CENPI: variants seen among roughly 807,000 people sequenced by gnomAD.
The protein encoded by CENPI is FSH primary response 1.
In CENPI, 4 loss-of-function variants were observed where a neutral mutation model predicts 60.4. That is an observed-to-expected ratio of 0.07 (90% CI 0.03 to 0.15). The LOEUF is 0.15. CENPI is among the 10% of genes least tolerant of loss of function. The pLI, the probability that CENPI is intolerant of heterozygous loss-of-function variation, is 1.00. For synonymous variants in CENPI, 157 were observed against 189.4 expected (o/e 0.83, Z 1.40); for missense variants, 444 against 534.5 (o/e 0.83, Z 1.67).
At chrX:101,173,790 T>C in the CENPI span, among the ~76,000 whole-genome samples, 1 of 109,969 alleles carries the variant, frequency 9.1e-6, no homozygotes, top group Non-Finnish European at 1.9e-5. Context: ...AGTTCAAAAA[T>C]TGAATCTTAT....
intron 6 of CENPI, among the ~76,000 whole-genome samples, chrX:101,110,276 A>G (rs969888318): frequency 1.1e-4 from 12 of 112,145 alleles, no homozygotes; most frequent in African/African-American, 2.9e-4. Flanking sequence ...AATGTTACAG[A>G]TAAAGTTGAT....
At chrX:101,168,727 G>A (rs2090150156), downstream of CENPI, among the ~76,000 whole-genome samples, 1 of 111,745 alleles carries the variant, frequency 8.9e-6, no homozygotes, top group Non-Finnish European at 1.9e-5. Context: ...TCTAAATGGG[G>A]TCATTAGAGG....
chrX:101,139,594 T>G (rs2148218363), intron 15 of CENPI, among the ~76,000 whole-genome samples: 1 of 112,190 alleles, frequency 8.9e-6, no homozygotes, highest in South Asian at 3.7e-4. Context: ...ACTTCTAACC[T>G]GAATGTGAGT....
rs137855601 is a variant in CENPI at position 101,131,659 on chromosome X, G to T, written c.1288-531G>T. ...AGAGAATTCATGTCATGAAAAGAAG[G>T]TCTTAGGATAGAGTCCTGGTGCATG... On this transcript the variant is annotated intron_variant, in intron 13 of 21. Coordinates refer to ENST00000682095, the MANE Select transcript of CENPI (RefSeq NM_001386188.2). 6.0e-3 allele frequency among the ~76,000 whole-genome samples: 669 copies of T among 111,076 alleles called. 6 individuals are homozygous for T. The highest frequency in any genetic ancestry group is 0.018 in the African/African-American group (554 of 30,525).
the CENPI span, among the ~76,000 whole-genome samples, chrX:101,179,403 T>C: frequency 8.8e-6 from 1 of 113,260 alleles, no homozygotes; most frequent in Non-Finnish European, 1.9e-5. Context: ...ATAGCACATT[T>C]TGTTATTCCT....
Position 101,164,426 on chromosome X carries a change from G to A in CENPI, c.*1459G>A, listed in dbSNP as rs1329826983. ...TGGCTCACTGCAACCTCTACTTTCTGGTTCAAGCAATTCTCCTGCCTCAGC... is the reference window on the plus strand; with the variant it reads ...TGGCTCACTGCAACCTCTACTTTCTAGTTCAAGCAATTCTCCTGCCTCAGC... On this transcript the variant is annotated 3_prime_UTR_variant, in exon 22 of 22. Transcript: ENST00000682095. 9.0e-6 allele frequency among the ~76,000 whole-genome samples: 1 copy of A among 111,242 alleles called. No homozygotes were observed. The highest frequency in any genetic ancestry group is 1.9e-5 in the Non-Finnish European group (1 of 53,090).
intron 13 of CENPI, 110 bp from the exon 14 acceptor site, chrX:101,132,080 A>C (rs2089800639): frequency 1.9e-6 from 1 of 514,183 alleles, no homozygotes; most frequent in African/African-American, 2.3e-5. Flanking sequence ...CATGACAAAA[A>C]ATTAGTCTAA....
chrX:101,141,763 G>A (rs1338956919), intron 16 of CENPI, among the ~76,000 whole-genome samples: 2 of 110,899 alleles, frequency 1.8e-5, no homozygotes. Flanking sequence ...TTGAGACAGG[G>A]TCTTGCTCTG....
chrX:101,145,121 G>T lies in CENPI; in HGVS notation c.1623G>T (p.Gly541=), dbSNP rs1294443044. The change falls in exon 17 of 22, where the codon GGG becomes GGT. Residue 541 remains glycine (G), a synonymous_variant. Transcript: ENST00000682095. The part of the protein sequence containing the change: ...NSVSKLIHYV[G]WLSTTAMRLE... ...TGTCTAAACTGATCCACTATGTAGG[G>T]TGGCTATCCACTACTGCAATGCGCT... The T allele has an allele frequency of 8.3e-7, 1 of 1,203,180 alleles. No homozygotes were observed. The highest frequency in any genetic ancestry group is 1.8e-5 in the South Asian group (1 of 56,692).
chrX:101,157,108 A>G (rs2090059798), intron 20 of CENPI, among the ~76,000 whole-genome samples: 2 of 111,945 alleles, frequency 1.8e-5, no homozygotes, highest in South Asian at 7.4e-4. Context: ...GTACTATTTT[A>G]CATTCCCATC....
chrX:101,155,128 G>A (rs778953507), intron 20 of CENPI, among the ~76,000 whole-genome samples: 2 of 111,222 alleles, frequency 1.8e-5, no homozygotes, highest in East Asian at 5.6e-4. Context: ...CCACTTAATC[G>A]TAGGGAGAAA....
At chrX:101,129,255 C>T (rs761128249) in intron 12 of CENPI, among the ~76,000 whole-genome samples, 11 of 111,192 alleles carry the variant, frequency 9.9e-5, no homozygotes, top group Non-Finnish European at 1.7e-4. Context: ...TAGAGTATCC[C>T]CTCTGCTATC....
downstream of CENPI, among the ~76,000 whole-genome samples, chrX:101,170,327 G>C (rs2090153840): frequency 8.9e-6 from 1 of 111,882 alleles, no homozygotes; most frequent in Non-Finnish European, 1.9e-5. Flanking sequence ...CCATAGACTT[G>C]TGTAAGTATA....
intron 4 of CENPI, among the ~76,000 whole-genome samples, chrX:101,105,434 G>C (rs2089472436): frequency 8.9e-6 from 1 of 111,887 alleles, no homozygotes; most frequent in South Asian, 3.7e-4. Flanking sequence ...TGAGGCAGGA[G>C]AATGGCGTGA....
At chrX:101,166,594 G>T (rs1300692294), downstream of CENPI, among the ~76,000 whole-genome samples, 2 of 112,537 alleles carry the variant, frequency 1.8e-5, no homozygotes, top group Admixed American at 1.9e-4. Flanking sequence ...TTGCTTTGGT[G>T]CAAAACATGT....
chrX:101,125,917 C>T (rs1189661993), intron 8 of CENPI, among the ~76,000 whole-genome samples: 1 of 111,872 alleles, frequency 8.9e-6, no homozygotes, highest in Non-Finnish European at 1.9e-5. Context: ...AAAACAAACA[C>T]TCTGATACTC....
At chrX:101,176,117 G>A in the CENPI span, among the ~76,000 whole-genome samples, 1 of 111,954 alleles carries the variant, frequency 8.9e-6, no homozygotes, top group Non-Finnish European at 1.9e-5. Flanking sequence ...CAAATGACAG[G>A]ATTTTATTCT....
At chrX:101,150,241 GT>G (rs1455130210) in intron 20 of CENPI, among the ~76,000 whole-genome samples, 1 of 105,447 alleles carries the variant, frequency 9.5e-6, no homozygotes, top group Non-Finnish European at 1.9e-5. Context: ...AATTTTAAAT[GT>G]TTGCAGGTCT....
chrX:101,134,892 T>C (rs1183846187), intron 15 of CENPI, among the ~76,000 whole-genome samples: 1 of 110,098 alleles, frequency 9.1e-6, no homozygotes, highest in East Asian at 2.8e-4. Flanking sequence ...GGCGTGCCCA[T>C]AATTCCAACT....
Sources: gnomAD v4.1 joint callset for allele counts (sites outside exome capture counted in the v4.1 genomes callset) on GRCh38, gnomAD v4.1.1 for gene constraint, MANE v1.5 for transcripts, NCBI Gene and HGNC (gene_info 2026-07-23, HGNC 2026-07-21) for gene names.